The following EYS variants were observed in gnomAD, a reference collection of about 807,000 sequenced individuals.
EYS encodes the protein EGF-like photoreceptor maintenance factor.
EYS carries 250 observed loss-of-function variants against 282.1 expected under a neutral mutation model. The ratio of observed to expected loss-of-function variants is 0.89; its 90% confidence interval spans 0.80 to 0.98. The LOEUF (loss-of-function observed/expected upper bound fraction) is 0.98. Among genes scored for constraint, EYS ranks in the 50% least tolerant of loss-of-function variants. The pLI is 0.00. For missense variants in EYS, 4,016 were observed against 3,709.0 expected, an observed-to-expected ratio of 1.08 and a Z score of -2.15; for synonymous variants, 1,355 against 1,282.9, an observed-to-expected ratio of 1.06 and a Z score of -1.20.
intron 12 of EYS, among the ~76,000 whole-genome samples, chr6:65,284,537 C>G (rs1768308149): frequency 6.6e-6 from 1 of 152,034 alleles, no homozygotes. Flanking sequence ...TGAGAACCCA[C>G]CTATGCTTCT....
chr6:65,263,180 A>G (rs1767662379), intron 12 of EYS, among the ~76,000 whole-genome samples: 1 of 151,932 alleles, frequency 6.6e-6, no homozygotes, highest in African/African-American at 2.4e-5. Context: ...ACCTCTATAA[A>G]AAACACAAAA....
At chr6:64,718,474 T>C (rs2149940889) in intron 22 of EYS, among the ~76,000 whole-genome samples, 1 of 152,346 alleles carries the variant, frequency 6.6e-6, no homozygotes, top group East Asian at 1.9e-4. Context: ...ATTTATCAAT[T>C]CCTTAATGTA....
chr6:65,600,796 A>C (rs534970670), intron 2 of EYS, among the ~76,000 whole-genome samples: 1 of 152,018 alleles, frequency 6.6e-6, no homozygotes. Flanking sequence ...TATATAGGAC[A>C]CATAGTAATC....
intron 13 of EYS, among the ~76,000 whole-genome samples, chr6:65,007,336 G>A (rs1771708692): frequency 6.6e-6 from 1 of 152,064 alleles, no homozygotes; most frequent in African/African-American, 2.4e-5. Context: ...GATGTATTCT[G>A]GAGAATTAAG....
At chr6:65,412,043 G>A (rs942551688) in intron 5 of EYS, among the ~76,000 whole-genome samples, 1 of 151,914 alleles carries the variant, frequency 6.6e-6, no homozygotes, top group African/African-American at 2.4e-5. Flanking sequence ...TTATGACAGT[G>A]GAGCTCTCAT....
intron 18 of EYS, among the ~76,000 whole-genome samples, chr6:64,889,915 A>C (rs2150065119): frequency 6.6e-6 from 1 of 152,192 alleles, no homozygotes; most frequent in Non-Finnish European, 1.5e-5. Flanking sequence ...ACCGCCGGTG[A>C]GCTGGGTGGA....
chr6:64,659,091 C>A (rs1768885076), intron 22 of EYS, among the ~76,000 whole-genome samples: 1 of 151,982 alleles, frequency 6.6e-6, no homozygotes, highest in Non-Finnish European at 1.5e-5. Flanking sequence ...TCACTCAAAA[C>A]CGCTCAACTA....
At chr6:64,835,220 T>C (rs775635746) in intron 19 of EYS, among the ~76,000 whole-genome samples, 1 of 151,784 alleles carries the variant, frequency 6.6e-6, no homozygotes, top group Admixed American at 6.6e-5. Context: ...TCAGCTCTCA[T>C]GAGCACTATT....
chr6:64,083,351 A>C (rs1772041087), intron 31 of EYS, among the ~76,000 whole-genome samples: 1 of 152,232 alleles, frequency 6.6e-6, no homozygotes, highest in African/African-American at 2.4e-5. Flanking sequence ...ATTTAGTAAC[A>C]GTTAAATCTT....
intron 12 of EYS, among the ~76,000 whole-genome samples, chr6:65,276,381 T>C (rs1768048578): frequency 6.6e-6 from 1 of 151,822 alleles, no homozygotes; most frequent in Admixed American, 6.6e-5. Flanking sequence ...GAGATCTTAG[T>C]TACAAAGAGG....
intron 19 of EYS, among the ~76,000 whole-genome samples, chr6:64,858,104 C>CAAA (rs1766123304): frequency 6.6e-6 from 1 of 151,946 alleles, no homozygotes; most frequent in Admixed American, 6.6e-5. Context: ...TAGTTTGATG[C>CAAA]TATCTCATTT....
At chr6:64,735,128 G>A (rs920483623) in intron 22 of EYS, among the ~76,000 whole-genome samples, 1 of 151,978 alleles carries the variant, frequency 6.6e-6, no homozygotes, top group African/African-American at 2.4e-5. Context: ...CTGTCGCCCA[G>A]GCTGTAGTGC....
intron 2 of EYS, among the ~76,000 whole-genome samples, chr6:65,552,435 A>T (rs1482770306): frequency 6.6e-6 from 1 of 152,170 alleles, no homozygotes; most frequent in Admixed American, 6.5e-5. Context: ...ATTATACTTA[A>T]CATGAAAATG....
chr6:64,063,292 G>T (rs751888596), intron 33 of EYS, among the ~76,000 whole-genome samples: 1 of 151,890 alleles, frequency 6.6e-6, no homozygotes, highest in Non-Finnish European at 1.5e-5. Context: ...TATTTCAAAG[G>T]CACCTTAATC....
chr6:64,356,394 C>G (rs931765634), intron 29 of EYS, among the ~76,000 whole-genome samples: 1 of 151,534 alleles, frequency 6.6e-6, no homozygotes, highest in Admixed American at 6.6e-5. Flanking sequence ...AAATTAAATG[C>G]TACATTGGTG....
At chr6:64,643,119 C>CG (rs59704704) in intron 22 of EYS, among the ~76,000 whole-genome samples, 1 of 117,418 alleles carries the variant, frequency 8.5e-6, no homozygotes, top group Non-Finnish European at 1.8e-5. Context: ...CCATCCCCCC[C>CG]CCCAAAAAAA....
chr6:65,224,831 C>A (rs1766577677), intron 12 of EYS, among the ~76,000 whole-genome samples: 1 of 152,032 alleles, frequency 6.6e-6, no homozygotes, highest in African/African-American at 2.4e-5. Context: ...TGGACAAATT[C>A]TTGAAAAAAT....
chr6:64,081,349 A>T (rs1771959350), intron 32 of EYS, among the ~76,000 whole-genome samples: 1 of 152,194 alleles, frequency 6.6e-6, no homozygotes, highest in African/African-American at 2.4e-5. Flanking sequence ...ATAATAATGC[A>T]GAGAACTCTG....
intron 35 of EYS, among the ~76,000 whole-genome samples, chr6:63,876,416 T>A (rs1035201205): frequency 2.0e-5 from 3 of 152,362 alleles, no homozygotes; most frequent in African/African-American, 7.2e-5. Flanking sequence ...TTGGAATAAG[T>A]GCGATGTGGT....
Sources: gnomAD v4.1 joint callset for allele counts (sites outside exome capture counted in the v4.1 genomes callset) on GRCh38, gnomAD v4.1.1 for gene constraint, MANE v1.5 for transcripts, NCBI Gene and HGNC (gene_info 2026-07-23, HGNC 2026-07-21) for gene names.